Variants in ATL1 observed in about 807,000 individuals in gnomAD.
ATL1 encodes the protein atlastin-1.
ATL1 carries 31 observed loss-of-function variants against 75.5 expected under a neutral mutation model. The ratio of observed to expected loss-of-function variants is 0.41; its 90% CI spans 0.31 to 0.55. The LOEUF is 0.55. ATL1 is among the 20% of genes least tolerant of loss of function. The probability of loss-of-function intolerance (pLI) is 0.27; values close to 1 mark genes in which losing one functional copy is unlikely to be tolerated. For missense variants in ATL1, 405 were observed against 662.6 expected (o/e 0.61, Z 4.27); for synonymous variants, 226 against 233.3 (o/e 0.97, Z 0.28).
intron 11 of ATL1, among the ~76,000 whole-genome samples, chr14:50,627,475 AAT>A (rs2039532693): frequency 6.6e-6 from 1 of 152,252 alleles, no homozygotes; most frequent in African/African-American, 2.4e-5. Context: ...AAAAATTGAA[AAT>A]GTTATTCAAG....
intron 6 of ATL1, among the ~76,000 whole-genome samples, chr14:50,606,284 G>A (rs984679611): frequency 6.6e-6 from 1 of 151,702 alleles, no homozygotes. Flanking sequence ...TCACCATAAT[G>A]GCCACAGTTA....
intron 8 of ATL1, among the ~76,000 whole-genome samples, chr14:50,617,944 A>G (rs190111083): frequency 1.5e-3 from 228 of 152,322 alleles, no homozygotes; most frequent in South Asian, 5.0e-3. Flanking sequence ...ATTGGTTCCA[A>G]TGAGAACAAA....
At chr14:50,619,927 G>A (rs564009705) in intron 8 of ATL1, among the ~76,000 whole-genome samples, 1 of 152,230 alleles carries the variant, frequency 6.6e-6, no homozygotes, top group South Asian at 2.1e-4. Context: ...CCCCATTTAT[G>A]AGCCTATATA....
chr14:50,562,894 A>G (rs2038864820), intron 1 of ATL1, among the ~76,000 whole-genome samples: 1 of 152,210 alleles, frequency 6.6e-6, no homozygotes, highest in South Asian at 2.1e-4. Context: ...TATTACCAGT[A>G]TCTAATAGAA....
At chr14:50,560,436 G>C (rs1191061915) in intron 1 of ATL1, 137 bp downstream of exon 1, 1 of 1,192,502 alleles carries the variant, frequency 8.4e-7, no homozygotes, top group Admixed American at 2.0e-5. Flanking sequence ...TAGCCGAGCC[G>C]CTCCCTGTTT....
chr14:50,608,985 A>G (rs2039338959), intron 6 of ATL1, among the ~76,000 whole-genome samples: 1 of 151,990 alleles, frequency 6.6e-6, no homozygotes, highest in Non-Finnish European at 1.5e-5. Flanking sequence ...CTACAAAACA[A>G]AATAAGAGGG....
intron 8 of ATL1, among the ~76,000 whole-genome samples, chr14:50,619,426 C>T (rs1178746357): frequency 6.6e-6 from 1 of 152,102 alleles, no homozygotes; most frequent in Non-Finnish European, 1.5e-5. Flanking sequence ...TGGTCTCAGA[C>T]TCCTGACCTC....
intron 3 of ATL1, 77 bp downstream of exon 3, chr14:50,591,152 A>G: frequency 7.0e-7 from 1 of 1,436,336 alleles, no homozygotes. Flanking sequence ...TTGAAGTTGC[A>G]CTTTTGAAAA....
chr14:50,622,007 ATTAT>A (rs2039471645), intron 10 of ATL1, 108 bp downstream of exon 10: 3 of 808,314 alleles, frequency 3.7e-6, no homozygotes, highest in Non-Finnish European at 6.4e-6. Context: ...TTATTGGAAG[ATTAT>A]TTGCCTAATA....
At chr14:50,629,916 A>T in intron 12 of ATL1, 79 bp from the exon 13 acceptor site, 1 of 1,126,100 alleles carries the variant, frequency 8.9e-7, no homozygotes, top group Non-Finnish European at 1.3e-6. Flanking sequence ...TTAATATTGT[A>T]AGCAAAGTTG....
At chr14:50,622,059 C>A (rs1204091332) in intron 10 of ATL1, among the ~76,000 whole-genome samples, 160 bp downstream of exon 10, 2 of 152,194 alleles carry the variant, frequency 1.3e-5, no homozygotes, top group African/African-American at 2.4e-5. Context: ...ACATGTTTCA[C>A]ATAAACATAT....
intron 2 of ATL1, among the ~76,000 whole-genome samples, chr14:50,590,366 T>C (rs2039144390): frequency 6.6e-6 from 1 of 152,174 alleles, no homozygotes; most frequent in Admixed American, 6.5e-5. Context: ...ACAAGGTCTT[T>C]CAGAATCTGG....
At chr14:50,582,614 C>T (rs993190820) in intron 1 of ATL1, among the ~76,000 whole-genome samples, 5 of 148,200 alleles carry the variant, frequency 3.4e-5, no homozygotes, top group Admixed American at 2.0e-4. Flanking sequence ...TTAGTAGAGA[C>T]GGGGTTTCAC....
chr14:50,539,432 T>A (rs2038534076), intron 1 of ATL1, among the ~76,000 whole-genome samples: 1 of 152,218 alleles, frequency 6.6e-6, no homozygotes, highest in South Asian at 2.1e-4. Context: ...CTTGACAGCT[T>A]TGAAGAAATC....
At chr14:50,594,029 G>T in intron 5 of ATL1, 133 bp downstream of exon 5, 1 of 708,908 alleles carries the variant, frequency 1.4e-6, no homozygotes. Flanking sequence ...GGCCCAATTA[G>T]CTGCCTGGTA....
At chr14:50,623,531 A>T (rs1189012333) in intron 11 of ATL1, among the ~76,000 whole-genome samples, 1 of 152,006 alleles carries the variant, frequency 6.6e-6, no homozygotes, top group East Asian at 1.9e-4. Flanking sequence ...TATAAAATCT[A>T]GTAGCCAAAA....
intron 2 of ATL1, among the ~76,000 whole-genome samples, chr14:50,590,647 T>C (rs946596903): frequency 2.0e-5 from 3 of 152,218 alleles, no homozygotes; most frequent in African/African-American, 7.2e-5. Flanking sequence ...CATGCATTTA[T>C]TGCATCATAA....
At chr14:50,613,652 T>G (rs1159322925) in intron 7 of ATL1, among the ~76,000 whole-genome samples, 1 of 152,118 alleles carries the variant, frequency 6.6e-6, no homozygotes, top group Non-Finnish European at 1.5e-5. Flanking sequence ...ATCCCTGGAG[T>G]CAATCTTAGA....
At chr14:50,607,280 A>G (rs2140220815) in intron 6 of ATL1, among the ~76,000 whole-genome samples, 1 of 152,212 alleles carries the variant, frequency 6.6e-6, no homozygotes, top group Admixed American at 6.5e-5. Context: ...TATGACTTAA[A>G]AAAACAAAGC....
Sources: gnomAD v4.1 joint callset for allele counts (sites outside exome capture counted in the v4.1 genomes callset) on GRCh38, gnomAD v4.1.1 for gene constraint, MANE v1.5 for transcripts, NCBI Gene and HGNC (gene_info 2026-07-23, HGNC 2026-07-21) for gene names.